The following RPS6KA2 variants were observed in gnomAD, a reference collection of about 807,000 sequenced individuals.
RPS6KA2 encodes the protein ribosomal protein S6 kinase alpha-2.
Under a neutral mutation model 91.8 loss-of-function variants are expected in RPS6KA2, and 42 were observed. That is an observed-to-expected ratio of 0.46 (90% CI 0.36 to 0.59). The LOEUF (loss-of-function observed/expected upper bound fraction) is 0.59, where lower values mean the gene tolerates loss of function less well. RPS6KA2 is among the 20% of genes least tolerant of loss of function. The pLI, the probability that RPS6KA2 is intolerant of heterozygous loss-of-function variation, is 0.00. For missense variants in RPS6KA2, 798 were observed against 978.5 expected (o/e 0.82, Z 2.46); for synonymous variants, 414 against 393.6 (o/e 1.05, Z -0.61).
intron 2 of RPS6KA2, among the ~76,000 whole-genome samples, chr6:166,682,093 G>A (rs1788836336): frequency 6.6e-6 from 1 of 152,200 alleles, no homozygotes; most frequent in Non-Finnish European, 1.5e-5. Flanking sequence ...CTGCTGTTAT[G>A]TTTAAGCTAC....
At chr6:166,519,408 CA>C (rs751611851) in intron 3 of RPS6KA2, among the ~76,000 whole-genome samples, 7 of 152,216 alleles carry the variant, frequency 4.6e-5, no homozygotes, top group Non-Finnish European at 7.3e-5. Flanking sequence ...AAATGGTAGG[CA>C]CTGGGGATAA....
chr6:166,682,009 A>C (rs1440817870), intron 2 of RPS6KA2, among the ~76,000 whole-genome samples: 1 of 152,160 alleles, frequency 6.6e-6, no homozygotes, highest in African/African-American at 2.4e-5. Context: ...ATATACAAAG[A>C]AAACTGGCCT....
intron 1 of RPS6KA2, among the ~76,000 whole-genome samples, chr6:166,560,190 G>A (rs915973194): frequency 7.9e-5 from 12 of 152,186 alleles, no homozygotes; most frequent in African/African-American, 2.7e-4. Flanking sequence ...AATAAGCTGG[G>A]CATGCATTTC....
At chr6:166,430,696 G>A (rs1206403456) in intron 15 of RPS6KA2, 85 bp from the exon 16 acceptor site, 3 of 1,419,284 alleles carry the variant, frequency 2.1e-6, no homozygotes, top group Admixed American at 2.2e-5. Flanking sequence ...GGAGAGGGAA[G>A]TCAGAGGGGA....
At chr6:166,754,648 G>A (rs1312226294) in intron 2 of RPS6KA2, among the ~76,000 whole-genome samples, 1 of 152,160 alleles carries the variant, frequency 6.6e-6, no homozygotes, top group Non-Finnish European at 1.5e-5. Context: ...TGCCTGCTGT[G>A]TCTGGGAATT....
chr6:166,695,588 CAGG>C (rs1789332140), intron 2 of RPS6KA2, among the ~76,000 whole-genome samples: 1 of 152,236 alleles, frequency 6.6e-6, no homozygotes, highest in Non-Finnish European at 1.5e-5. Flanking sequence ...GGCCGCACAG[CAGG>C]AGGTGAGTAG....
chr6:166,589,209 G>C (rs1439558276), intron 1 of RPS6KA2, among the ~76,000 whole-genome samples: 1 of 152,210 alleles, frequency 6.6e-6, no homozygotes. Flanking sequence ...AGCCAAAAGT[G>C]AATTTATGTT....
intron 1 of RPS6KA2, among the ~76,000 whole-genome samples, chr6:166,616,168 TTTCA>T (rs575485596): frequency 1.7e-3 from 263 of 151,924 alleles, no homozygotes; most frequent in African/African-American, 6.2e-3. Flanking sequence ...CACTCTGGAG[TTTCA>T]TTTATTACGG....
intron 2 of RPS6KA2, among the ~76,000 whole-genome samples, chr6:166,650,454 G>C (rs978730472): frequency 6.6e-6 from 1 of 151,592 alleles, no homozygotes; most frequent in Middle Eastern, 3.2e-3. Context: ...GTGGGAGGGA[G>C]GGGGGTCCAT....
intron 1 of RPS6KA2, among the ~76,000 whole-genome samples, chr6:166,860,474 T>C (rs982849897): frequency 6.6e-6 from 1 of 152,230 alleles, no homozygotes; most frequent in African/African-American, 2.4e-5. Context: ...CATGGGAATC[T>C]ATTCATTGCT....
chr6:166,679,661 C>T (rs1052609407), intron 2 of RPS6KA2, among the ~76,000 whole-genome samples: 3 of 152,200 alleles, frequency 2.0e-5, no homozygotes, highest in African/African-American at 7.2e-5. Flanking sequence ...TCTGGCCGCG[C>T]TCGAGGAGCC....
chr6:166,696,571 C>T (rs976129183), intron 2 of RPS6KA2, among the ~76,000 whole-genome samples: 10 of 152,178 alleles, frequency 6.6e-5, no homozygotes, highest in African/African-American at 1.4e-4. Context: ...TCAGCTGAAA[C>T]GGTCCATTTT....
At chr6:166,667,219 A>C (rs774543062) in intron 2 of RPS6KA2, among the ~76,000 whole-genome samples, 4 of 152,248 alleles carry the variant, frequency 2.6e-5, no homozygotes, top group African/African-American at 4.8e-5. Flanking sequence ...ACTGAACTGC[A>C]CACTGACACA....
rs1205829992 is a variant in RPS6KA2, at chr6:166,852,645, C to G, written c.123+5555G>C. On this transcript the variant is annotated intron_variant, in intron 2 of 21. Transcript: ENST00000503859. This position sits in a 1 kb window ranked among gnomAD's most constrained non-coding sequence, Gnocchi z 4.1. ...CCCTTTTCCTCACCAGGGGACTCGTCGAGGGGTCCAAGCAGCAACGGCTCG... is the reference window on the plus strand; with the variant it reads ...CCCTTTTCCTCACCAGGGGACTCGTGGAGGGGTCCAAGCAGCAACGGCTCG... Among the ~76,000 whole-genome samples, 3 of 152,034 alleles carry G rather than the reference C, an allele frequency of 2.0e-5. No individual in the cohort carries two copies. Among genetic ancestry groups the G allele is most frequent in the Non-Finnish European group, 4.4e-5 (3 of 68,004 alleles).
chr6:166,470,267 G>A (rs923841166), intron 10 of RPS6KA2, among the ~76,000 whole-genome samples: 1 of 152,196 alleles, frequency 6.6e-6, no homozygotes, highest in African/African-American at 2.4e-5. Flanking sequence ...GCACCAGGTG[G>A]ACCTCCCAGG....
intron 3 of RPS6KA2, among the ~76,000 whole-genome samples, chr6:166,523,873 G>A (rs1782935967): frequency 6.6e-6 from 1 of 152,186 alleles, no homozygotes; most frequent in Admixed American, 6.5e-5. Flanking sequence ...ACTCCGAGGA[G>A]GTTCTATTTC....
intron 7 of RPS6KA2, 113 bp from the exon 8 acceptor site, chr6:166,498,763 G>A (rs538800300): frequency 7.0e-5 from 95 of 1,353,260 alleles, no homozygotes; most frequent in Admixed American, 1.6e-4. Context: ...CCAGGTGGGC[G>A]CAGCAGAGCC....
intron 1 of RPS6KA2, among the ~76,000 whole-genome samples, chr6:166,548,517 T>C (rs77033530): frequency 0.047 from 7,209 of 152,238 alleles, 620 homozygotes; most frequent in African/African-American, 0.16. Flanking sequence ...TGGAATGGAA[T>C]AGAGGACCCA....
At chr6:166,466,944 T>C (rs1212578611) in intron 11 of RPS6KA2, among the ~76,000 whole-genome samples, 1 of 152,122 alleles carries the variant, frequency 6.6e-6, no homozygotes, top group Non-Finnish European at 1.5e-5. Context: ...GTTGACTCAC[T>C]CATTAACTCA....
Sources: allele counts gnomAD v4.1 joint callset (sites outside exome capture counted in the v4.1 genomes callset), GRCh38; gene constraint gnomAD v4.1.1; non-coding constraint Gnocchi (gnomAD v3.1); transcripts MANE v1.5; gene names NCBI Gene and HGNC (gene_info 2026-07-23, HGNC 2026-07-21).